The following STRN3 variants were observed in gnomAD, a reference collection of about 807,000 sequenced individuals.
STRN3 encodes striatin-3.
A neutral mutation model predicts 95.6 loss-of-function variants in STRN3; 29 were observed. That is an observed-to-expected ratio of 0.30 (90% CI 0.23 to 0.41). The LOEUF (loss-of-function observed/expected upper bound fraction) is 0.41. Ranked by LOEUF, STRN3 falls within the 10% of genes least tolerant of loss-of-function variation. STRN3 has a pLI of 1.00. For synonymous variants in STRN3, 331 were observed against 357.6 expected (o/e 0.93, Z 0.84); for missense variants, 890 against 972.1 (o/e 0.92, Z 1.12).
intron 10 of STRN3, among the ~76,000 whole-genome samples, chr14:30,912,507 T>C (rs1036568096): frequency 3.3e-5 from 5 of 152,180 alleles, no homozygotes; most frequent in African/African-American, 1.2e-4. Context: ...ATACTTTACA[T>C]GAAAAATAAT....
intron 8 of STRN3, among the ~76,000 whole-genome samples, chr14:30,921,583 T>G (rs1281260535): frequency 1.3e-5 from 2 of 152,236 alleles, no homozygotes; most frequent in East Asian, 3.8e-4. Context: ...TACTCTATTG[T>G]GCAGAGCATC....
At chr14:30,910,937 A>C (rs964621868) in intron 13 of STRN3, 104 bp downstream of exon 13, 1 of 1,252,738 alleles carries the variant, frequency 8.0e-7, no homozygotes, top group Non-Finnish European at 1.1e-6. Flanking sequence ...GAACTAAATG[A>C]GGTGACTAAT....
intron 9 of STRN3, among the ~76,000 whole-genome samples, chr14:30,914,078 T>C (rs1390806950): frequency 1.3e-5 from 2 of 152,196 alleles, no homozygotes; most frequent in African/African-American, 2.4e-5. Flanking sequence ...AGTAGTCATA[T>C]AGTATTTTTT....
chr14:31,000,827 T>C (rs992891286), intron 1 of STRN3, among the ~76,000 whole-genome samples: 1 of 141,986 alleles, frequency 7.0e-6, no homozygotes, highest in African/African-American at 2.5e-5. Context: ...AGGGGCTAAA[T>C]AAACAGCCGA....
chr14:31,025,803 C>A, intron 1 of STRN3, 101 bp downstream of exon 1: 53 of 1,493,442 alleles, frequency 3.5e-5, no homozygotes, highest in Non-Finnish European at 4.6e-5. Context: ...TTCCGCTCGG[C>A]CTCCCAAGGC....
chr14:30,906,497 G>A (rs893167995), intron 14 of STRN3, among the ~76,000 whole-genome samples: 1 of 152,104 alleles, frequency 6.6e-6, no homozygotes, highest in African/African-American at 2.4e-5. Context: ...CTCAACTAGT[G>A]TGCTCGAGGT....
chr14:30,979,409 T>A, intron 1 of STRN3, among the ~76,000 whole-genome samples: 1 of 152,122 alleles, frequency 6.6e-6, no homozygotes, highest in East Asian at 1.9e-4. Context: ...TGTGCCCAAC[T>A]CAACAAATTT....
chr14:31,015,262 C>T (rs974102014), intron 1 of STRN3, among the ~76,000 whole-genome samples: 10 of 152,180 alleles, frequency 6.6e-5, no homozygotes, highest in Non-Finnish European at 1.3e-4. Flanking sequence ...GTATGAGTTG[C>T]GTTTCCCCAA....
intron 11 of STRN3, 70 bp from the exon 12 acceptor site, chr14:30,911,894 A>G: frequency 6.4e-7 from 1 of 1,562,924 alleles, no homozygotes; most frequent in Non-Finnish European, 8.7e-7. Flanking sequence ...GGTTGATATT[A>G]AATAGTCATT....
intron 1 of STRN3, among the ~76,000 whole-genome samples, chr14:31,005,281 G>A (rs558126930): frequency 2.0e-5 from 3 of 152,052 alleles, no homozygotes; most frequent in Non-Finnish European, 2.9e-5. Flanking sequence ...GTAGTGAGCC[G>A]AGATCACGCC....
At chr14:30,929,954 C>CAAAAAAAAAA (rs1191963792) in intron 7 of STRN3, among the ~76,000 whole-genome samples, 695 of 39,880 alleles carry the variant, frequency 0.017, 115 homozygotes, top group Non-Finnish European at 0.022. Flanking sequence ...CTAAGATTAG[C>CAAAAAAAAAA]AAAAAAAAAA....
intron 1 of STRN3, among the ~76,000 whole-genome samples, chr14:30,966,733 G>A (rs1880531174): frequency 6.6e-6 from 1 of 152,146 alleles, no homozygotes; most frequent in Admixed American, 6.6e-5. Context: ...GTGTTGTGTG[G>A]ATGGTGACAA....
At chr14:31,005,283 G>A (rs1480068042) in intron 1 of STRN3, among the ~76,000 whole-genome samples, 10 of 152,146 alleles carry the variant, frequency 6.6e-5, no homozygotes, top group Non-Finnish European at 1.0e-4. Flanking sequence ...AGTGAGCCGA[G>A]ATCACGCCAC....
chr14:30,939,934 T>C (rs1295459124), intron 5 of STRN3, among the ~76,000 whole-genome samples: 1 of 152,184 alleles, frequency 6.6e-6, no homozygotes, highest in South Asian at 2.1e-4. Flanking sequence ...ATGGTTACAC[T>C]GTAAGTACAT....
chr14:30,922,808 GA>G (rs569208556), intron 8 of STRN3, among the ~76,000 whole-genome samples: 69 of 152,046 alleles, frequency 4.5e-4, no homozygotes, highest in African/African-American at 1.6e-3. Flanking sequence ...ACAATAATAA[GA>G]AAAAATAACT....
At chr14:30,944,042 C>A (rs973792341) in intron 5 of STRN3, among the ~76,000 whole-genome samples, 1 of 151,954 alleles carries the variant, frequency 6.6e-6, no homozygotes, top group Admixed American at 6.6e-5. Flanking sequence ...CGCATGCACA[C>A]ACACTCCAAA....
At chr14:30,976,456 CTG>C (rs763662650) in intron 1 of STRN3, among the ~76,000 whole-genome samples, 25 of 152,282 alleles carry the variant, frequency 1.6e-4, no homozygotes, top group Admixed American at 6.5e-4. Context: ...CTACCAGTAA[CTG>C]AGAGATCCAG....
chr14:30,987,251 T>C (rs1316779104), intron 1 of STRN3, among the ~76,000 whole-genome samples: 1 of 152,192 alleles, frequency 6.6e-6, no homozygotes, highest in Non-Finnish European at 1.5e-5. Context: ...CTCACGCCTG[T>C]AATCCCAGCA....
In STRN3 at chr14:31,017,153, CAAAT is replaced by C. The variant is rs547516109; in HGVS notation, c.282+8747_282+8750del. Among the ~76,000 whole-genome samples, 18 of 151,914 alleles carry C rather than the reference CAAAT, an allele frequency of 1.2e-4. 1 individual carries two copies. In the South Asian group the frequency reaches 3.5e-3, roughly 30 times the overall value. ...TGGGTGACAGACTGAGACCCTGTCT[CAAAT>C]AAAAAGTTTTAAAAAGTGTAACAAC... On this transcript the variant is annotated intron_variant, in intron 1 of 17. Transcript: ENST00000357479.
Sources: allele counts gnomAD v4.1 joint callset (sites outside exome capture counted in the v4.1 genomes callset), GRCh38; gene constraint gnomAD v4.1.1; transcripts MANE v1.5; gene names NCBI Gene and HGNC (gene_info 2026-07-23, HGNC 2026-07-21).